Variants in GRXCR1 observed in about 807,000 individuals in gnomAD.
GRXCR1 encodes glutaredoxin and cysteine rich domain containing 1, also known as glutaredoxin domain-containing cysteine-rich protein 1.
A neutral mutation model predicts 27.3 loss-of-function variants in GRXCR1; 27 were observed. The observed-to-expected ratio is 0.99, with a 90% CI of 0.73 to 1.37. The LOEUF (loss-of-function observed/expected upper bound fraction) is 1.37. Ranked by LOEUF, GRXCR1 falls within the 40% of genes most tolerant of loss-of-function variation. GRXCR1 has a pLI of 0.00. For missense variants in GRXCR1, 379 were observed against 354.4 expected, an observed-to-expected ratio of 1.07 and a Z score of -0.56; for synonymous variants, 122 against 131.1, an observed-to-expected ratio of 0.93 and a Z score of 0.47.
At chr4:42,999,487 A>G (rs1712279696) in intron 2 of GRXCR1, among the ~76,000 whole-genome samples, 1 of 152,176 alleles carries the variant, frequency 6.6e-6, no homozygotes, top group Non-Finnish European at 1.5e-5. Flanking sequence ...CACCTTTCCA[A>G]GTCTCTTCCA....
In GRXCR1 at chr4:42,962,758, G is replaced by A. The variant is rs1748152844; in HGVS notation, c.385-134G>A. The A allele has an allele frequency of 9.8e-6, 9 of 915,120 alleles. No homozygotes were observed. The South Asian group carries it at 1.2e-4, about 12-fold the overall frequency. 56.7% of individuals were successfully genotyped at this position (915,120 alleles called of 1,614,324 possible). A position where few individuals can be genotyped will look rare whatever the true frequency, so the allele number is the denominator to read the frequency against. Reference sequence around the variant, plus strand: ...ATTACAGATGTTGTAACTTAAAAAGGTAAGTCTTTGAATTGACAAATGTGT... The same window carrying A: ...ATTACAGATGTTGTAACTTAAAAAGATAAGTCTTTGAATTGACAAATGTGT... On this transcript the variant is annotated intron_variant, in intron 1 of 3. Transcript: ENST00000399770.
intron 1 of GRXCR1, among the ~76,000 whole-genome samples, chr4:42,920,521 G>C (rs1381274596): frequency 2.0e-5 from 3 of 152,100 alleles, no homozygotes; most frequent in Non-Finnish European, 2.9e-5. Context: ...AGCATGCCTA[G>C]AAGAGCTGGA....
At chr4:43,012,677 C>A (rs1006418077) in intron 2 of GRXCR1, among the ~76,000 whole-genome samples, 1 of 152,040 alleles carries the variant, frequency 6.6e-6, no homozygotes, top group African/African-American at 2.4e-5. Flanking sequence ...CATTATTATA[C>A]CCATTTTACA....
chr4:42,899,528 C>T lies in GRXCR1; in HGVS notation c.384+5878C>T, dbSNP rs1746419414. ...TCAGGCCAATGCTTATATTTTTCTC[C>T]TTTTAGTCTTTCTCTTATTAGACCA... On this transcript the variant is annotated intron_variant, in intron 1 of 3. Transcript: ENST00000399770. 5.9e-5 allele frequency among the ~76,000 whole-genome samples: 9 copies of T among 152,076 alleles called. No individual in the cohort carries two copies. The South Asian group carries it at 1.9e-3, about 32-fold the overall frequency.
intron 2 of GRXCR1, among the ~76,000 whole-genome samples, chr4:42,982,458 T>A (rs1328010655): frequency 1.4e-4 from 17 of 121,486 alleles, no homozygotes; most frequent in Non-Finnish European, 1.5e-4. Context: ...TCTATCATTG[T>A]TGGACATTTG....
intron 2 of GRXCR1, among the ~76,000 whole-genome samples, chr4:42,989,869 G>A (rs1200764498): frequency 6.6e-6 from 1 of 151,888 alleles, no homozygotes; most frequent in Non-Finnish European, 1.5e-5. Context: ...ATTTTTTTCT[G>A]CTAAATATGG....
chr4:43,009,343 T>C (rs185670214), intron 2 of GRXCR1, among the ~76,000 whole-genome samples: 1 of 152,294 alleles, frequency 6.6e-6, no homozygotes, highest in East Asian at 1.9e-4. Flanking sequence ...ATAAACATTG[T>C]AGTTAATATA....
chr4:43,024,010 G>A (rs1393863825), intron 3 of GRXCR1, among the ~76,000 whole-genome samples: 2 of 152,182 alleles, frequency 1.3e-5, no homozygotes, highest in East Asian at 3.9e-4. Context: ...TGGTGTCCAT[G>A]CAGGGAGAGC....
rs1281101536 is a variant in GRXCR1 at position 42,899,757 on chromosome 4, A to C, written c.384+6107A>C. 2.0e-5 allele frequency among the ~76,000 whole-genome samples: 3 copies of C among 152,284 alleles called. No homozygotes were observed. In the East Asian group the frequency reaches 5.8e-4, roughly 29 times the overall value. ...CATCATGTTAAAACTTTCCTTCTAA[A>C]GTTAGTTCAATTAATATCTAAGTTG... On this transcript the variant is annotated intron_variant, in intron 1 of 3. Transcript: ENST00000399770.
At chr4:42,902,308 A>G (rs1746479116) in intron 1 of GRXCR1, among the ~76,000 whole-genome samples, 1 of 152,176 alleles carries the variant, frequency 6.6e-6, no homozygotes, top group African/African-American at 2.4e-5. Flanking sequence ...AAGACAAATG[A>G]TGCGAGAGTG....
chr4:42,908,547 T>A (rs990543845), intron 1 of GRXCR1, among the ~76,000 whole-genome samples: 3 of 152,188 alleles, frequency 2.0e-5, no homozygotes, highest in African/African-American at 7.2e-5. Flanking sequence ...TTTCTTGTAT[T>A]TTAGCCTGCA....
chr4:43,008,802 G>T (rs1327916142), intron 2 of GRXCR1, among the ~76,000 whole-genome samples: 1 of 152,132 alleles, frequency 6.6e-6, no homozygotes, highest in Admixed American at 6.5e-5. Context: ...TGTAACACTT[G>T]TACTTTTATA....
intron 1 of GRXCR1, among the ~76,000 whole-genome samples, chr4:42,939,390 AC>A (rs1178354022): frequency 6.6e-6 from 1 of 152,030 alleles, no homozygotes; most frequent in African/African-American, 2.4e-5. Context: ...ATCAGTTCTT[AC>A]CGTTTTTTGG....
chr4:42,930,150 A>G (rs1056202004), intron 1 of GRXCR1, among the ~76,000 whole-genome samples: 2 of 152,042 alleles, frequency 1.3e-5, no homozygotes, highest in Non-Finnish European at 2.9e-5. Flanking sequence ...TTAAAATGCA[A>G]TTAACATCAA....
rs115216837 is a variant in GRXCR1 at position 43,024,585 on chromosome 4, A to G, written c.693+4166A>G. Among the ~76,000 whole-genome samples, 749 of 152,246 alleles carry G rather than the reference A, an allele frequency of 4.9e-3. 10 individuals carry two copies. The highest frequency in any genetic ancestry group is 0.015 in the African/African-American group (638 of 41,544). On this transcript the variant is annotated intron_variant, in intron 3 of 3. Transcript: ENST00000399770. ...CATCTGGTTTAAGAATCAGGCTCCT[A>G]TATCCAGGCTTATACATTTAGAATT...
chr4:42,991,468 A>G (rs1290189797), intron 2 of GRXCR1, among the ~76,000 whole-genome samples: 2 of 143,346 alleles, frequency 1.4e-5, no homozygotes, highest in South Asian at 2.1e-4. Context: ...CTACACACAC[A>G]CATACATATA....
chr4:43,019,686 G>A (rs1402772785), intron 2 of GRXCR1, among the ~76,000 whole-genome samples: 1 of 152,152 alleles, frequency 6.6e-6, no homozygotes. Flanking sequence ...TCATAGTAAT[G>A]TTTTAGAAGT....
intron 2 of GRXCR1, among the ~76,000 whole-genome samples, chr4:42,987,033 T>TGTG (rs58630694): frequency 4.7e-5 from 7 of 148,786 alleles, no homozygotes; most frequent in African/African-American, 1.8e-4. Context: ...TGTGTGTGTG[T>TGTG]TTAGGGGGTA....
At chr4:42,923,751 C>CT (rs200043746) in intron 1 of GRXCR1, among the ~76,000 whole-genome samples, 90 of 151,198 alleles carry the variant, frequency 6.0e-4, no homozygotes, top group Middle Eastern at 3.4e-3. Flanking sequence ...CAACATGCCT[C>CT]TTTTTTTTTG....
Sources: allele counts gnomAD v4.1 joint callset (sites outside exome capture counted in the v4.1 genomes callset), GRCh38; gene constraint gnomAD v4.1.1; transcripts MANE v1.5; gene names NCBI Gene and HGNC (gene_info 2026-07-23, HGNC 2026-07-21).